SLC41A3: variants seen among roughly 807,000 people sequenced by gnomAD.
SLC41A3 encodes solute carrier family 41 member 3.
A neutral mutation model predicts 45.4 loss-of-function variants in SLC41A3; 44 were observed. The observed-to-expected ratio is 0.97, with a 90% CI of 0.76 to 1.25. The LOEUF (loss-of-function observed/expected upper bound fraction) is 1.25, where lower values mean the gene tolerates loss of function less well. Ranked by LOEUF, SLC41A3 falls within the 50% of genes most tolerant of loss-of-function variation. The probability of loss-of-function intolerance (pLI) is 0.00; values close to 1 mark genes in which losing one functional copy is unlikely to be tolerated. For missense variants in SLC41A3, 550 were observed against 600.6 expected (o/e 0.92, Z 0.88); for synonymous variants, 256 against 252.4 (o/e 1.01, Z -0.13).
At chr3:126,099,855 T>TGA (rs1945674614) in intron 1 of SLC41A3, among the ~76,000 whole-genome samples, 2 of 152,208 alleles carry the variant, frequency 1.3e-5, no homozygotes, top group Non-Finnish European at 2.9e-5. Flanking sequence ...AACACAGCCC[T>TGA]GAGCTCTCAG....
chr3:126,032,768 G>A (rs766245364), intron 4 of SLC41A3, among the ~76,000 whole-genome samples: 36 of 152,268 alleles, frequency 2.4e-4, no homozygotes, highest in Admixed American at 1.0e-3. Flanking sequence ...GATAAAGTAG[G>A]TATCATTCTA....
chr3:126,062,502 A>T (rs1174366557), intron 2 of SLC41A3, among the ~76,000 whole-genome samples: 6 of 152,210 alleles, frequency 3.9e-5, no homozygotes, highest in Non-Finnish European at 7.3e-5. Context: ...CAGTTACATT[A>T]CACTGATGAT....
At chr3:126,063,539 C>G (rs1944180755) in intron 2 of SLC41A3, among the ~76,000 whole-genome samples, 1 of 152,232 alleles carries the variant, frequency 6.6e-6, no homozygotes, top group South Asian at 2.1e-4. Context: ...TGGCAGCTCC[C>G]TCTGCACCTG....
At chr3:126,035,457 C>T (rs1446802357) in intron 3 of SLC41A3, among the ~76,000 whole-genome samples, 4 of 152,126 alleles carry the variant, frequency 2.6e-5, no homozygotes, top group Admixed American at 6.5e-5. Context: ...GAACACAGAC[C>T]GCTACCTAAG....
At chr3:126,073,532 C>G (rs1944730320) in intron 1 of SLC41A3, among the ~76,000 whole-genome samples, 1 of 152,052 alleles carries the variant, frequency 6.6e-6, no homozygotes, top group African/African-American at 2.4e-5. Context: ...CACCAAACCC[C>G]CATGATACCT....
intron 9 of SLC41A3, among the ~76,000 whole-genome samples, chr3:126,010,487 A>G (rs891584081): frequency 2.0e-5 from 3 of 152,214 alleles, no homozygotes; most frequent in African/African-American, 7.2e-5. Flanking sequence ...AAGAGACTCC[A>G]TAGAAGTCTG....
chr3:126,096,517 G>A (rs1315884888), intron 1 of SLC41A3, among the ~76,000 whole-genome samples: 1 of 152,200 alleles, frequency 6.6e-6, no homozygotes, highest in East Asian at 1.9e-4. Context: ...CCAGAATGAG[G>A]GCAAGGAACA....
At chr3:126,064,191 G>A (rs532295959) in intron 2 of SLC41A3, among the ~76,000 whole-genome samples, 82 of 152,198 alleles carry the variant, frequency 5.4e-4, no homozygotes, top group Non-Finnish European at 8.7e-4. Context: ...AACACCTGGA[G>A]AAAGCAAGAT....
intron 5 of SLC41A3, 59 bp from the exon 6 acceptor site, chr3:126,022,991 A>G: frequency 1.9e-6 from 3 of 1,602,076 alleles, no homozygotes; most frequent in Non-Finnish European, 2.6e-6. Context: ...GATGGCTCTG[A>G]GCAGGCACAG....
chr3:126,069,370 T>C (rs905189421), intron 1 of SLC41A3, among the ~76,000 whole-genome samples: 3 of 152,070 alleles, frequency 2.0e-5, no homozygotes, highest in Admixed American at 6.5e-5. Context: ...GGCACGGAGT[T>C]CAAGGAAATC....
intron 2 of SLC41A3, among the ~76,000 whole-genome samples, chr3:126,061,295 G>A (rs1944053487): frequency 6.6e-6 from 1 of 152,128 alleles, no homozygotes. Flanking sequence ...GATCTCGACT[G>A]GCAGAACCCA....
At chr3:126,053,894 G>C (rs1943497764) in intron 2 of SLC41A3, among the ~76,000 whole-genome samples, 1 of 152,030 alleles carries the variant, frequency 6.6e-6, no homozygotes, top group Non-Finnish European at 1.5e-5. Flanking sequence ...TCCCCAATCT[G>C]ACATTCAAGT....
chr3:126,012,506 C>G (rs1240120624), intron 9 of SLC41A3, 109 bp downstream of exon 9: 12 of 1,437,262 alleles, frequency 8.3e-6, no homozygotes, highest in Non-Finnish European at 1.1e-5. Context: ...GTGCCGAGAT[C>G]AGCCCTGGCT....
intron 3 of SLC41A3, among the ~76,000 whole-genome samples, chr3:126,036,323 C>T (rs1576276217): frequency 6.6e-6 from 1 of 152,350 alleles, no homozygotes; most frequent in African/African-American, 2.4e-5. Context: ...AACACACCCC[C>T]CTTGCCCTTT....
intron 3 of SLC41A3, among the ~76,000 whole-genome samples, chr3:126,044,165 A>G (rs1257989368): frequency 6.6e-6 from 1 of 152,368 alleles, no homozygotes; most frequent in East Asian, 1.9e-4. Context: ...AATATGAGAC[A>G]AAATGGACTT....
At chr3:126,034,815 T>G (rs945486982) in intron 3 of SLC41A3, among the ~76,000 whole-genome samples, 13 of 152,272 alleles carry the variant, frequency 8.5e-5, no homozygotes, top group African/African-American at 3.1e-4. Flanking sequence ...AAGGGACTTG[T>G]GCTGGCCCAT....
chr3:126,042,795 T>G (rs565863085), intron 3 of SLC41A3, among the ~76,000 whole-genome samples: 1 of 152,226 alleles, frequency 6.6e-6, no homozygotes, highest in East Asian at 1.9e-4. Flanking sequence ...CAGCAAACTC[T>G]AAAAGTCTGA....
At chr3:126,060,193 C>A (rs1485821197) in intron 2 of SLC41A3, among the ~76,000 whole-genome samples, 1 of 151,970 alleles carries the variant, frequency 6.6e-6, no homozygotes, top group East Asian at 1.9e-4. Context: ...CTGAGGCGGG[C>A]AGATCACCTG....
intron 1 of SLC41A3, among the ~76,000 whole-genome samples, chr3:126,093,896 G>T (rs1451475286): frequency 2.0e-5 from 3 of 152,214 alleles, no homozygotes; most frequent in Admixed American, 6.5e-5. Flanking sequence ...GGTAGATACA[G>T]GAGTGGACAT....
Sources: gnomAD v4.1 joint callset for allele counts (sites outside exome capture counted in the v4.1 genomes callset) on GRCh38, gnomAD v4.1.1 for gene constraint, MANE v1.5 for transcripts, NCBI Gene and HGNC (gene_info 2026-07-23, HGNC 2026-07-21) for gene names.